The following DPYSL3 variants were observed in gnomAD, a reference collection of about 807,000 sequenced individuals.
DPYSL3 encodes dihydropyrimidinase like 3, also known as dihydropyrimidinase-related protein 3.
Under a neutral mutation model 66.1 loss-of-function variants are expected in DPYSL3, and 16 were observed. The observed-to-expected ratio is 0.24, with a 90% confidence interval of 0.16 to 0.37. The LOEUF (loss-of-function observed/expected upper bound fraction) is 0.37. Among genes scored for constraint, DPYSL3 ranks in the 10% least tolerant of loss-of-function variants. The probability of loss-of-function intolerance (pLI) is 1.00; values close to 1 mark genes in which losing one functional copy is unlikely to be tolerated. For synonymous variants in DPYSL3, 338 were observed against 345.1 expected (o/e 0.98, Z 0.23); for missense variants, 738 against 916.2 (o/e 0.81, Z 2.51).
At chr5:147,493,625 G>T (rs1753453610) in intron 1 of DPYSL3, among the ~76,000 whole-genome samples, 1 of 151,882 alleles carries the variant, frequency 6.6e-6, no homozygotes, top group Admixed American at 6.6e-5. Context: ...AAGGAAAAAT[G>T]GACAGATCCA....
chr5:147,401,389 A>T, intron 9 of DPYSL3, 151 bp downstream of exon 9: 2 of 865,624 alleles, frequency 2.3e-6, no homozygotes, highest in Non-Finnish European at 3.4e-6. Context: ...CCTGCTTTCT[A>T]CGCTCAAGAC....
At chr5:147,404,500 T>C (rs1758281735) in intron 8 of DPYSL3, among the ~76,000 whole-genome samples, 1 of 152,220 alleles carries the variant, frequency 6.6e-6, no homozygotes, top group Non-Finnish European at 1.5e-5. Flanking sequence ...GCCTCTCTAC[T>C]ACCAGAATGG....
Position 147,500,275 on chromosome 5 carries a change from A to G in DPYSL3, c.381+9203T>C, listed in dbSNP as rs994087418. On this transcript the variant is annotated intron_variant, in intron 1 of 13. Transcript: ENST00000343218. ...GGGAGAAAATATTTGCAAAATACAT[A>G]TCTGATAAACAACTATTATCTGAAT... Among the ~76,000 whole-genome samples, 55 of 152,214 alleles carry G rather than the reference A, an allele frequency of 3.6e-4. 1 individual carries two copies. The highest frequency in any genetic ancestry group is 1.0e-4 in the Non-Finnish European group (7 of 68,040).
intron 1 of DPYSL3, among the ~76,000 whole-genome samples, chr5:147,449,772 G>A (rs759397832): frequency 2.6e-5 from 4 of 152,216 alleles, no homozygotes; most frequent in Non-Finnish European, 4.4e-5. Flanking sequence ...GAACCTAAGT[G>A]CCTAAGTATT....
intron 1 of DPYSL3, among the ~76,000 whole-genome samples, chr5:147,505,392 G>A (rs1753673357): frequency 1.3e-5 from 2 of 151,960 alleles, no homozygotes; most frequent in South Asian, 4.2e-4. Context: ...CCACCACCAC[G>A]CCCAGCTAAT....
At chr5:147,399,947 T>A (rs1365075302) in intron 10 of DPYSL3, among the ~76,000 whole-genome samples, 2 of 152,176 alleles carry the variant, frequency 1.3e-5, no homozygotes, top group East Asian at 1.9e-4. Flanking sequence ...AGAATTGAGT[T>A]TAAAACCTAG....
intron 1 of DPYSL3, among the ~76,000 whole-genome samples, chr5:147,480,950 G>A (rs563197776): frequency 6.0e-4 from 91 of 151,918 alleles, no homozygotes; most frequent in African/African-American, 2.0e-3. Context: ...TCAAATTCTC[G>A]ACCTCAGGTG....
intron 1 of DPYSL3, among the ~76,000 whole-genome samples, chr5:147,452,380 C>T (rs757247337): frequency 6.6e-6 from 1 of 151,850 alleles, no homozygotes; most frequent in Non-Finnish European, 1.5e-5. Context: ...TCCCAGGGGC[C>T]AGCTGATCAC....
chr5:147,411,345 C>A (rs1394715802), intron 6 of DPYSL3, among the ~76,000 whole-genome samples: 4 of 152,162 alleles, frequency 2.6e-5, no homozygotes, highest in African/African-American at 9.7e-5. Context: ...ATCACAACAG[C>A]TGGAGCCCTG....
intron 1 of DPYSL3, among the ~76,000 whole-genome samples, chr5:147,505,885 G>A (rs1490352956): frequency 6.6e-6 from 1 of 152,142 alleles, no homozygotes; most frequent in Admixed American, 6.5e-5. Flanking sequence ...GGCCAGGCTG[G>A]TCATATTAAA....
intron 4 of DPYSL3, among the ~76,000 whole-genome samples, chr5:147,414,867 G>A (rs896222677): frequency 2.6e-5 from 4 of 152,060 alleles, no homozygotes; most frequent in African/African-American, 9.7e-5. Context: ...CTACTCCTTT[G>A]GTAATGGTTC....
chr5:147,477,090 A>T (rs959339756), intron 1 of DPYSL3, among the ~76,000 whole-genome samples: 9 of 152,242 alleles, frequency 5.9e-5, no homozygotes, highest in African/African-American at 2.2e-4. Context: ...AGAAAAAATA[A>T]AATCAGTATG....
intron 12 of DPYSL3, 52 bp downstream of exon 12, chr5:147,397,614 G>C: frequency 1.9e-6 from 3 of 1,563,990 alleles, no homozygotes; most frequent in Non-Finnish European, 8.7e-7. Context: ...ATCTCTGAGC[G>C]TGAGTGGAAC....
chr5:147,405,593 T>C lies in DPYSL3; in HGVS notation c.1153+17A>G, dbSNP rs749643125. ...CAGTGCCATCAGGGGCTCCGAGATC[T>C]TGGAAACACAAATCACCTTTTTTCC... On this transcript the variant is annotated intron_variant, in intron 8 of 13. Transcript: ENST00000343218. 8 of 1,606,002 alleles carry C rather than the reference T, an allele frequency of 5.0e-6. No homozygotes were observed. Among genetic ancestry groups the C allele is most frequent in the Non-Finnish European group, 6.0e-6 (7 of 1,176,052 alleles).
intron 1 of DPYSL3, among the ~76,000 whole-genome samples, chr5:147,502,636 G>A (rs1027623651): frequency 6.8e-6 from 1 of 147,750 alleles, no homozygotes; most frequent in South Asian, 2.2e-4. Context: ...GAGTGCAGTG[G>A]CGCAGTCTCG....
chr5:147,421,701 C>T (rs1418032698), intron 2 of DPYSL3, among the ~76,000 whole-genome samples: 1 of 152,110 alleles, frequency 6.6e-6, no homozygotes, highest in Non-Finnish European at 1.5e-5. Flanking sequence ...ACAGAAATAA[C>T]ACCACACATC....
At chr5:147,416,331 C>T (rs1162221305) in intron 3 of DPYSL3, among the ~76,000 whole-genome samples, 2 of 152,072 alleles carry the variant, frequency 1.3e-5, no homozygotes, top group Admixed American at 1.3e-4. Flanking sequence ...CTTCCAAGGG[C>T]GAAAGCGAGG....
intron 13 of DPYSL3, among the ~76,000 whole-genome samples, chr5:147,395,286 C>T (rs1352664974): frequency 6.6e-6 from 1 of 152,220 alleles, no homozygotes; most frequent in African/African-American, 2.4e-5. Flanking sequence ...AGCTCCCCGA[C>T]CCTGCCCCCA....
chr5:147,456,827 G>A (rs1752860827), intron 1 of DPYSL3, among the ~76,000 whole-genome samples: 1 of 152,016 alleles, frequency 6.6e-6, no homozygotes, highest in Non-Finnish European at 1.5e-5. Context: ...CTGACCTCAT[G>A]TGATCTGCTT....
Sources: allele counts gnomAD v4.1 joint callset (sites outside exome capture counted in the v4.1 genomes callset), GRCh38; gene constraint gnomAD v4.1.1; transcripts MANE v1.5; gene names NCBI Gene and HGNC (gene_info 2026-07-23, HGNC 2026-07-21).